Variants in PTGFR observed in about 807,000 individuals in gnomAD.
The protein encoded by PTGFR is prostaglandin F receptor, also known as prostaglandin F2-alpha receptor.
PTGFR carries 15 observed loss-of-function variants against 26.2 expected under a neutral mutation model. That is an observed-to-expected ratio of 0.57 (90% CI 0.38 to 0.88). The LOEUF is 0.88. Ranked by LOEUF, PTGFR falls within the 40% of genes least tolerant of loss-of-function variation. The pLI is 0.00. For synonymous variants in PTGFR, 165 were observed against 151.1 expected (o/e 1.09, Z -0.68); for missense variants, 369 against 427.2 (o/e 0.86, Z 1.20).
chr1:78,534,475 A>G (rs1650597090), intron 2 of PTGFR, among the ~76,000 whole-genome samples: 1 of 152,180 alleles, frequency 6.6e-6, no homozygotes, highest in Non-Finnish European at 1.5e-5. Context: ...AATAATCCAC[A>G]TTAGTTTTGA....
intron 2 of PTGFR, among the ~76,000 whole-genome samples, chr1:78,507,642 A>AT (rs1477715726): frequency 6.6e-6 from 1 of 152,216 alleles, no homozygotes; most frequent in African/African-American, 2.4e-5. Flanking sequence ...AATAAGTTTC[A>AT]TAACCATACT....
intron 2 of PTGFR, among the ~76,000 whole-genome samples, chr1:78,497,242 T>A (rs1183500911): frequency 3.9e-5 from 6 of 152,166 alleles, no homozygotes; most frequent in Non-Finnish European, 8.8e-5. Flanking sequence ...GGTTTTGTAG[T>A]TTTAAACACA....
At chr1:78,520,577 G>C (rs1650198881) in intron 2 of PTGFR, among the ~76,000 whole-genome samples, 1 of 151,984 alleles carries the variant, frequency 6.6e-6, no homozygotes, top group Non-Finnish European at 1.5e-5. Context: ...GTCTTTGGTG[G>C]TCATTTTCAG....
At chr1:78,505,415 G>A (rs548975151) in intron 2 of PTGFR, among the ~76,000 whole-genome samples, 1 of 152,146 alleles carries the variant, frequency 6.6e-6, no homozygotes, top group African/African-American at 2.4e-5. Context: ...GAGCCACCAC[G>A]CCTGGCCTAT....
In PTGFR at chr1:78,492,711, T is replaced by C. The variant is rs762936038; in HGVS notation, c.-33T>C. ...ATCCTGCACAGTTTTGAGAGGGAGA[T>C]GACTTGAGTGGTTGGCTTTTATCTC... is the stretch of plus-strand genomic sequence containing the variant. On this transcript the variant is annotated 5_prime_UTR_variant, in exon 2 of 3. The change abolishes an upstream ATG in the 5' untranslated region. Transcript: ENST00000370757. 1.9e-6 allele frequency: 3 copies of C among 1,572,420 alleles called. No homozygotes were observed. Among genetic ancestry groups the C allele is most frequent in the Non-Finnish European group, 1.7e-6 (2 of 1,157,606 alleles).
chr1:78,510,839 G>GT (rs1408667060), intron 2 of PTGFR, among the ~76,000 whole-genome samples: 8 of 152,124 alleles, frequency 5.3e-5, no homozygotes, highest in Non-Finnish European at 1.0e-4. Context: ...GGTGGTACAA[G>GT]CATTAGGTAA....
intron 2 of PTGFR, among the ~76,000 whole-genome samples, chr1:78,532,610 G>A (rs35660242): frequency 0.16 from 24,406 of 150,534 alleles, 2,199 homozygotes; most frequent in Non-Finnish European, 0.22. Context: ...CTGTTACCCA[G>A]GCTGGAATGC....
At chr1:78,493,821 G>A (rs901493459) in intron 2 of PTGFR, among the ~76,000 whole-genome samples, 1 of 152,192 alleles carries the variant, frequency 6.6e-6, no homozygotes, top group Non-Finnish European at 1.5e-5. Flanking sequence ...TTAACATACT[G>A]AATATGATTA....
chr1:78,536,368 G>C (rs772486681), intron 2 of PTGFR, 38 bp from the exon 3 acceptor site: 8 of 1,566,580 alleles, frequency 5.1e-6, no homozygotes, highest in Admixed American at 1.9e-5. Flanking sequence ...GATTGAAAAG[G>C]CTGCATCAAC....
At chr1:78,507,218 A>G (rs892755328) in intron 2 of PTGFR, among the ~76,000 whole-genome samples, 23 of 152,174 alleles carry the variant, frequency 1.5e-4, no homozygotes, top group Non-Finnish European at 3.2e-4. Context: ...TGCACGGCAC[A>G]GACTGGGGTG....
chr1:78,536,523 C>T lies in PTGFR; in HGVS notation c.916C>T (p.Leu306Phe), dbSNP rs1318083719. 1.9e-6 allele frequency: 3 copies of T among 1,613,244 alleles called. No homozygotes were observed. The highest frequency in any genetic ancestry group is 2.5e-6 in the Non-Finnish European group (3 of 1,179,494). The change falls in exon 3 of 3, where the codon CTT (leucine) becomes TTT (phenylalanine). Residue 306 changes from leucine (L) to phenylalanine (F), a missense_variant. Physicochemically the swap from Leu to Phe is conservative, Grantham distance 22. Transcript: ENST00000370757. Reference sequence around the variant, plus strand: ...AATCTTAGATCCTTGGGTATATATTCTTCTACGAAAGGCTGTCCTTAAGAA... The same window carrying T: ...AATCTTAGATCCTTGGGTATATATTTTTCTACGAAAGGCTGTCCTTAAGAA... ...NQILDPWVYI[L>F]LRKAVLKNLY... is the part of the protein sequence containing the mutation.
intron 2 of PTGFR, among the ~76,000 whole-genome samples, chr1:78,498,227 T>C (rs917473397): frequency 6.6e-6 from 1 of 152,210 alleles, no homozygotes; most frequent in Non-Finnish European, 1.5e-5. Context: ...GATTATTTTC[T>C]TTGAAAGGCT....
At position 78,492,550 on chromosome 1, in the gene PTGFR, C is replaced by A. The variant is rs1649430540; in HGVS notation, c.-72-122C>A. 9.0e-6 allele frequency: 5 copies of A among 554,744 alleles called. No homozygotes were observed. The Admixed American group carries it at 1.0e-4, about 11-fold the overall frequency. The allele number at this position is 554,744 out of a possible 1,614,324, so 34.4% of individuals were successfully genotyped here. The stretch of plus-strand genomic sequence containing the variant: ...GATATGAGCTGCTTTCAGTATGATG[C>A]AACCTTGCTTATGATAGGCCAGATA... On this transcript the variant is annotated intron_variant, in intron 1 of 2. Transcript: ENST00000370757.
intron 2 of PTGFR, among the ~76,000 whole-genome samples, chr1:78,522,059 A>G (rs1330871000): frequency 1.3e-5 from 2 of 152,020 alleles, no homozygotes; most frequent in East Asian, 3.9e-4. Context: ...GCTTGGGGGA[A>G]GAATCATTTT....
chr1:78,526,776 G>C (rs1650384143), intron 2 of PTGFR, among the ~76,000 whole-genome samples: 1 of 152,052 alleles, frequency 6.6e-6, no homozygotes, highest in South Asian at 2.1e-4. Flanking sequence ...GTGAAGCAAA[G>C]GTTTGGGCCC....
In PTGFR at chr1:78,538,903, A is replaced by G. The variant is rs1650725106; in HGVS notation, c.*2216A>G. The G allele has an allele frequency of 6.6e-6, 1 of 152,100 alleles. No individual in the cohort carries two copies. 9.4% of individuals were successfully genotyped at this position (152,100 alleles called of 1,614,324 possible). A position where few individuals can be genotyped will look rare whatever the true frequency, so the allele number is the denominator to read the frequency against. On this transcript the variant is annotated 3_prime_UTR_variant, in exon 3 of 3. Coordinates refer to ENST00000370757, the MANE Select transcript of PTGFR (RefSeq NM_000959.4). ...TTTGAACTGGGTAAGGCATTATCCAAGCAACTTCACATACTATTTAAACAT... is the reference window on the plus strand; with the variant it reads ...TTTGAACTGGGTAAGGCATTATCCAGGCAACTTCACATACTATTTAAACAT...
At chr1:78,506,027 T>C (rs976852711) in intron 2 of PTGFR, among the ~76,000 whole-genome samples, 20 of 152,188 alleles carry the variant, frequency 1.3e-4, no homozygotes, top group African/African-American at 4.6e-4. Context: ...TGAACACCTG[T>C]TTACAATTCT....
chr1:78,528,363 A>G (rs1432382054), intron 2 of PTGFR, among the ~76,000 whole-genome samples: 3 of 151,504 alleles, frequency 2.0e-5, no homozygotes, highest in Non-Finnish European at 4.4e-5. Context: ...ACCAAACAAC[A>G]AGATTGACTC....
At chr1:78,494,226 A>G (rs1301843050) in intron 2 of PTGFR, among the ~76,000 whole-genome samples, 1 of 152,266 alleles carries the variant, frequency 6.6e-6, no homozygotes, top group African/African-American at 2.4e-5. Context: ...AAGCTGTTAG[A>G]AACAAACATA....
Sources: gnomAD v4.1 joint callset for allele counts (sites outside exome capture counted in the v4.1 genomes callset) on GRCh38, gnomAD v4.1.1 for gene constraint, MANE v1.5 for transcripts, NCBI Gene and HGNC (gene_info 2026-07-23, HGNC 2026-07-21) for gene names.